CDKL2: variants seen among roughly 807,000 people sequenced by gnomAD.
The protein encoded by CDKL2 is cyclin-dependent kinase-like 2.
In CDKL2, 64 loss-of-function variants were observed where a neutral mutation model predicts 63.9. That is an observed-to-expected ratio of 1.00 (90% CI 0.82 to 1.23). CDKL2 has a LOEUF of 1.23. CDKL2 is among the 50% of genes most tolerant of loss of function. The pLI, the probability that CDKL2 is intolerant of heterozygous loss-of-function variation, is 0.00. For missense variants in CDKL2, 656 were observed against 668.0 expected (o/e 0.98, Z 0.20); for synonymous variants, 211 against 229.2 (o/e 0.92, Z 0.72).
chr4:75,609,680 A>G (rs1729599388), intron 3 of CDKL2, among the ~76,000 whole-genome samples: 1 of 148,336 alleles, frequency 6.7e-6, no homozygotes, highest in South Asian at 2.1e-4. Context: ...TATATATTTA[A>G]AAATCTACAG....
At chr4:75,585,189 C>T (rs1454463825) in intron 12 of CDKL2, among the ~76,000 whole-genome samples, 1 of 152,132 alleles carries the variant, frequency 6.6e-6, no homozygotes, top group Non-Finnish European at 1.5e-5. Context: ...CAGACCACTA[C>T]AGAGATAAAG....
At chr4:75,616,024 CTAAAG>C (rs1375584574) in intron 2 of CDKL2, among the ~76,000 whole-genome samples, 1 of 151,922 alleles carries the variant, frequency 6.6e-6, no homozygotes, top group Non-Finnish European at 1.5e-5. Context: ...AAACAAAACA[CTAAAG>C]TAAATAAGAT....
chr4:75,597,243 A>G lies in CDKL2; in HGVS notation c.1021-7T>C. ...TGGGATCAGCATTGGTATCCTGATC[A>G]TTAACAAAAATATTAATAAGGTTAA... is the stretch of plus-strand genomic sequence containing the variant. On this transcript the variant is annotated splice_region_variant and splice_polypyrimidine_tract_variant and intron_variant, in intron 8 of 13. Coordinates refer to ENST00000307465, the MANE Select transcript of CDKL2 (RefSeq NM_001330724.2). 6.6e-7 allele frequency: 1 copy of G among 1,518,300 alleles called. No individual in the cohort carries two copies. The allele number at this position is 1,518,300 out of a possible 1,614,324, so 94.1% of individuals were successfully genotyped here.
chr4:75,615,393 G>A (rs144057891), intron 2 of CDKL2, among the ~76,000 whole-genome samples: 1 of 152,190 alleles, frequency 6.6e-6, no homozygotes, highest in East Asian at 1.9e-4. Context: ...AAACATAAAT[G>A]GTAGATTAAC....
intron 3 of CDKL2, among the ~76,000 whole-genome samples, chr4:75,612,206 C>T (rs1729732538): frequency 6.6e-6 from 1 of 152,214 alleles, no homozygotes; most frequent in Non-Finnish European, 1.5e-5. Flanking sequence ...CTCCTGACCT[C>T]AAGTGATCAG....
intron 7 of CDKL2, among the ~76,000 whole-genome samples, chr4:75,599,868 A>G (rs896829266): frequency 7.9e-5 from 12 of 152,194 alleles, no homozygotes; most frequent in African/African-American, 2.7e-4. Context: ...TGGCATATCA[A>G]GGTCTCCAAC....
In CDKL2 at chr4:75,598,186, A is replaced by G. The variant is rs370419020; in HGVS notation, c.911T>C (p.Val304Ala). 1.2e-4 allele frequency: 185 copies of G among 1,502,948 alleles called. 1 individual carries two copies. The East Asian group carries it at 3.8e-3, about 31-fold the overall frequency. The allele number at this position is 1,502,948 out of a possible 1,614,324, so 93.1% of individuals were successfully genotyped here. The change falls in exon 8 of 14, where the codon GTA (valine) becomes GCA (alanine). Residue 304 changes from valine to alanine, a missense_variant. Coordinates refer to ENST00000307465, the MANE Select transcript of CDKL2 (RefSeq NM_001330724.2). ...AGAAACATTTCTGGCATCTTTCTGT[A>G]CTTTTAACTGTAGTTCTTGGGAAAA... ...ERFSQELQLK[V>A]QKDARNVSLS...
chr4:75,614,504 TA>T (rs755096830), intron 2 of CDKL2, 55 bp from the exon 3 acceptor site: 15 of 1,099,246 alleles, frequency 1.4e-5, no homozygotes, highest in Non-Finnish European at 2.0e-5. Context: ...ATAGTTTATA[TA>T]AACTAAGATC....
intron 6 of CDKL2, among the ~76,000 whole-genome samples, chr4:75,600,759 G>A (rs529781211): frequency 2.0e-4 from 30 of 152,174 alleles, no homozygotes; most frequent in East Asian, 3.9e-4. Flanking sequence ...ACACTTGCCC[G>A]CCAATGAATT....
intron 2 of CDKL2, among the ~76,000 whole-genome samples, chr4:75,622,627 A>G (rs1399269765): frequency 7.0e-6 from 1 of 143,400 alleles, no homozygotes; most frequent in Admixed American, 7.1e-5. Context: ...CTGAGGCAGG[A>G]GAATTGCTTG....
chr4:75,591,688 G>A (rs1159106130), intron 12 of CDKL2, 131 bp downstream of exon 12: 2 of 583,402 alleles, frequency 3.4e-6, no homozygotes, highest in Non-Finnish European at 5.9e-6. Context: ...AACAACATTT[G>A]CAAGCAAAAT....
At position 75,619,119 on chromosome 4, in the gene CDKL2, T is replaced by C. The variant is rs1034299753; in HGVS notation, c.169-4670A>G. Among the ~76,000 whole-genome samples, 12 of 152,178 alleles carry C rather than the reference T, an allele frequency of 7.9e-5. No individual in the cohort carries two copies. The South Asian group carries it at 2.5e-3, about 32-fold the overall frequency. The stretch of plus-strand genomic sequence containing the variant: ...AGACTATAAGCAAGAACTTTGAACT[T>C]ACTAAGGAGGTCCTGAGCTGGTAGT... On this transcript the variant is annotated intron_variant, in intron 2 of 13. Transcript: ENST00000307465.
At chr4:75,599,792 C>T (rs888192119) in intron 7 of CDKL2, among the ~76,000 whole-genome samples, 4 of 152,222 alleles carry the variant, frequency 2.6e-5, no homozygotes, top group Non-Finnish European at 5.9e-5. Context: ...GTTTCGTCAG[C>T]TGCACTGTTG....
At chr4:75,580,916 G>A (rs536142442) in intron 13 of CDKL2, among the ~76,000 whole-genome samples, 1 of 151,720 alleles carries the variant, frequency 6.6e-6, no homozygotes, top group African/African-American at 2.4e-5. Flanking sequence ...TAGCCAGGAT[G>A]GTCTCGATCT....
chr4:75,593,024 A>G (rs1728778439), intron 10 of CDKL2, among the ~76,000 whole-genome samples: 1 of 152,174 alleles, frequency 6.6e-6, no homozygotes, highest in Non-Finnish European at 1.5e-5. Context: ...ACACACAAAC[A>G]TATGTATAAT....
intron 2 of CDKL2, among the ~76,000 whole-genome samples, chr4:75,617,581 T>C (rs1354932943): frequency 6.6e-6 from 1 of 152,202 alleles, no homozygotes; most frequent in African/African-American, 2.4e-5. Flanking sequence ...GAACTATAAA[T>C]TCTGACAAGT....
intron 1 of CDKL2, among the ~76,000 whole-genome samples, chr4:75,629,480 A>G (rs541882504): frequency 6.6e-6 from 1 of 152,376 alleles, no homozygotes; most frequent in African/African-American, 2.4e-5. Flanking sequence ...TTCCTGAAAC[A>G]GTTACTCATA....
intron 2 of CDKL2, among the ~76,000 whole-genome samples, chr4:75,618,239 CTTTTTTTTTTTTTTTT>C (rs56002333): frequency 1.9e-5 from 1 of 52,946 alleles, no homozygotes; most frequent in Non-Finnish European, 3.2e-5. Flanking sequence ...ATTGAAAATT[CTTTTTTTTTTTTTTTT>C]TTTTTTTTTT....
At chr4:75,581,414 A>G (rs1053309581) in intron 13 of CDKL2, among the ~76,000 whole-genome samples, 1 of 152,244 alleles carries the variant, frequency 6.6e-6, no homozygotes, top group African/African-American at 2.4e-5. Context: ...TTAGCATAAC[A>G]GTGAAATCAC....
Sources: allele counts gnomAD v4.1 joint callset (sites outside exome capture counted in the v4.1 genomes callset), GRCh38; gene constraint gnomAD v4.1.1; transcripts MANE v1.5; gene names NCBI Gene and HGNC (gene_info 2026-07-23, HGNC 2026-07-21).